SCN10A: variants seen among roughly 807,000 people sequenced by gnomAD.
SCN10A encodes the protein sodium voltage-gated channel alpha subunit 10.
SCN10A carries 162 observed loss-of-function variants against 170.7 expected under a neutral mutation model. The ratio of observed to expected loss-of-function variants is 0.95; its 90% CI spans 0.84 to 1.08. SCN10A has a LOEUF of 1.08. SCN10A is among the 50% of genes least tolerant of loss of function. The pLI, the probability that SCN10A is intolerant of heterozygous loss-of-function variation, is 0.00. For missense variants in SCN10A, 2,527 were observed against 2,436.9 expected (o/e 1.04, Z -0.78); for synonymous variants, 985 against 904.6 (o/e 1.09, Z -1.59).
intron 8 of SCN10A, among the ~76,000 whole-genome samples, chr3:38,759,590 A>G (rs77279149): frequency 0.016 from 2,440 of 152,218 alleles, 72 homozygotes; most frequent in African/African-American, 0.055. Context: ...GAAATTGCAA[A>G]CTAGCAGCTT....
In SCN10A at chr3:38,795,327, G is replaced by T. The variant is rs796368194; in HGVS notation, c.-32-1285C>A. ...GCCCTTCTCAGTTCTTGTCTTTTTT[G>T]TTTTTTTCTTTTTCTTTTTCTTTTT... On this transcript the variant is annotated intron_variant, in intron 1 of 27. Transcript: ENST00000449082. 1.5e-4 allele frequency among the ~76,000 whole-genome samples: 21 copies of T among 142,528 alleles called. No individual in the cohort carries two copies. The South Asian group carries it at 2.0e-3, about 14-fold the overall frequency. The allele number at this position is 142,528 out of a possible 152,430, so 93.5% of individuals were successfully genotyped here.
chr3:38,814,474 C>T (rs2064459852), intron 1 of SCN10A, among the ~76,000 whole-genome samples: 1 of 152,192 alleles, frequency 6.6e-6, no homozygotes, highest in South Asian at 2.1e-4. Context: ...GAATACATGA[C>T]TGCACATGCC....
At chr3:38,700,683 C>A (rs1382552211) in intron 27 of SCN10A, among the ~76,000 whole-genome samples, 2 of 152,194 alleles carry the variant, frequency 1.3e-5, no homozygotes, top group Non-Finnish European at 2.9e-5. Flanking sequence ...CCCGGAAATA[C>A]ACGCAACCCA....
chr3:38,799,265 G>A (rs1226020600), intron 1 of SCN10A, among the ~76,000 whole-genome samples: 2 of 151,970 alleles, frequency 1.3e-5, no homozygotes, highest in Non-Finnish European at 2.9e-5. Context: ...CCAGACCCAG[G>A]CCTACAGAAA....
At chr3:38,724,182 C>T (rs2063428114) in intron 18 of SCN10A, among the ~76,000 whole-genome samples, 1 of 152,152 alleles carries the variant, frequency 6.6e-6, no homozygotes, top group African/African-American at 2.4e-5. Flanking sequence ...TCACCCACAG[C>T]CCCCAAATCC....
intron 4 of SCN10A, among the ~76,000 whole-genome samples, chr3:38,778,615 T>C (rs981964846): frequency 2.0e-5 from 3 of 151,976 alleles, no homozygotes; most frequent in East Asian, 1.9e-4. Context: ...AGGAAAAAGA[T>C]TGTGTTAAGA....
In SCN10A at chr3:38,744,581, A is replaced by G. The variant is rs550720126; in HGVS notation, c.1868-2052T>C. ...AGCCACATATGCATACATGCCTTACATATGAAGCTTTTCTCACTACAAGGC... is the reference window on the plus strand; with the variant it reads ...AGCCACATATGCATACATGCCTTACGTATGAAGCTTTTCTCACTACAAGGC... On this transcript the variant is annotated intron_variant, in intron 13 of 27. Transcript: ENST00000449082. Among the ~76,000 whole-genome samples the G allele has an allele frequency of 3.9e-5, 6 of 151,968 alleles. No homozygotes were observed. In the South Asian group the frequency reaches 1.2e-3, roughly 32 times the overall value.
At chr3:38,772,582 C>G (rs533800261) in intron 4 of SCN10A, among the ~76,000 whole-genome samples, 12 of 151,808 alleles carry the variant, frequency 7.9e-5, no homozygotes, top group Non-Finnish European at 1.5e-4. Flanking sequence ...CCAGCTACTC[C>G]GGAGGCTGAG....
rs2063101667 is a variant in SCN10A, at chr3:38,697,446, G to A, written c.5774C>T (p.Thr1925Ile). The A allele has an allele frequency of 6.2e-7, 1 of 1,614,090 alleles. No individual in the cohort carries two copies. The highest frequency in any genetic ancestry group is 8.5e-7 in the Non-Finnish European group (1 of 1,180,048). The change falls in exon 28 of 28, where the codon ACT becomes ATT. Residue 1925 changes from threonine (T) to isoleucine (I), a missense_variant. Coordinates refer to ENST00000449082, the MANE Select transcript of SCN10A (RefSeq NM_006514.4). Reference sequence around the variant, plus strand: ...GTTGACTCTATCACTAAGGCCTCTAGTGACACTCTCATAGGACGGTGGGAA... The same window carrying A: ...GTTGACTCTATCACTAAGGCCTCTAATGACACTCTCATAGGACGGTGGGAA... ...TSFPPSYESV[T>I]RGLSDRVNMR...
chr3:38,746,063 G>GTGTATATA (rs1293476818), intron 13 of SCN10A, among the ~76,000 whole-genome samples: 21 of 61,624 alleles, frequency 3.4e-4, no homozygotes, highest in South Asian at 1.4e-3. Context: ...GTGTGTATGT[G>GTGTATATA]TATATATATA....
At chr3:38,717,509 A>G (rs1368078442) in intron 21 of SCN10A, among the ~76,000 whole-genome samples, 2 of 152,270 alleles carry the variant, frequency 1.3e-5, no homozygotes, top group African/African-American at 4.8e-5. Context: ...ATTATCACCC[A>G]TGACTCAGAT....
chr3:38,788,078 T>G (rs1179906556), intron 4 of SCN10A, among the ~76,000 whole-genome samples: 2 of 152,052 alleles, frequency 1.3e-5, no homozygotes, highest in Non-Finnish European at 2.9e-5. Context: ...TTCTAAGAAT[T>G]TAAAATTATA....
At chr3:38,700,122 A>C (rs891021196) in intron 27 of SCN10A, among the ~76,000 whole-genome samples, 8 of 152,228 alleles carry the variant, frequency 5.3e-5, no homozygotes, top group African/African-American at 1.9e-4. Flanking sequence ...ACAAAACAAA[A>C]ATGAAAACAA....
Position 38,787,352 on chromosome 3 carries a change from T to C in SCN10A, c.470+1604A>G, listed in dbSNP as rs2064219750. Among the ~76,000 whole-genome samples, 4 of 152,196 alleles carry C rather than the reference T, an allele frequency of 2.6e-5. No homozygotes were observed. In the South Asian group the frequency reaches 8.3e-4, roughly 31 times the overall value. Reference sequence around the variant, plus strand: ...AGTGTCTATACACAATTGATTTATGTATGTTAATTTGTACCCAGCTACCTT... The same window carrying C: ...AGTGTCTATACACAATTGATTTATGCATGTTAATTTGTACCCAGCTACCTT... On this transcript the variant is annotated intron_variant, in intron 4 of 27. Transcript: ENST00000449082.
intron 1 of SCN10A, among the ~76,000 whole-genome samples, chr3:38,799,218 A>G (rs2064357744): frequency 6.6e-6 from 1 of 152,148 alleles, no homozygotes; most frequent in African/African-American, 2.4e-5. Flanking sequence ...TATAGGGCCA[A>G]TGCTTTCCTT....
At chr3:38,727,118 G>C in intron 16 of SCN10A, 66 bp from the exon 17 acceptor site, 2 of 1,478,482 alleles carry the variant, frequency 1.4e-6, no homozygotes, top group Non-Finnish European at 1.8e-6. Flanking sequence ...TGGCCTACCG[G>C]GTTAGCAGCT....
chr3:38,724,196 C>T (rs1461069837), intron 18 of SCN10A, among the ~76,000 whole-genome samples: 1 of 152,162 alleles, frequency 6.6e-6, no homozygotes, highest in East Asian at 1.9e-4. Flanking sequence ...CAAATCCCGT[C>T]CCAGCCCTCC....
At chr3:38,793,604 A>G in intron 2 of SCN10A, 137 bp downstream of exon 2, 1 of 707,938 alleles carries the variant, frequency 1.4e-6, no homozygotes, top group East Asian at 2.5e-5. Flanking sequence ...ATATATATAT[A>G]TATTTTTTTT....
chr3:38,755,987 A>G, intron 10 of SCN10A, 29 bp from the exon 11 acceptor site: 2 of 1,613,748 alleles, frequency 1.2e-6, no homozygotes, highest in Non-Finnish European at 1.7e-6. Context: ...AGGTGTAGCC[A>G]ATAGTATTTG....
Sources: allele counts gnomAD v4.1 joint callset (sites outside exome capture counted in the v4.1 genomes callset), GRCh38; gene constraint gnomAD v4.1.1; transcripts MANE v1.5; gene names NCBI Gene and HGNC (gene_info 2026-07-23, HGNC 2026-07-21).